Variants in PTPRG observed in about 807,000 individuals in gnomAD.
PTPRG encodes the protein protein tyrosine phosphatase receptor type G.
Under a neutral mutation model 165.3 loss-of-function variants are expected in PTPRG, and 102 were observed. The ratio of observed to expected loss-of-function variants is 0.62; its 90% CI spans 0.53 to 0.73. The LOEUF is 0.73. Ranked by LOEUF, PTPRG falls within the 30% of genes least tolerant of loss-of-function variation. The probability of loss-of-function intolerance (pLI) is 0.00; values close to 1 mark genes in which losing one functional copy is unlikely to be tolerated. For missense variants in PTPRG, 1,866 were observed against 1,861.4 expected, an observed-to-expected ratio of 1.00 and a Z score of -0.05; for synonymous variants, 675 against 669.5, an observed-to-expected ratio of 1.01 and a Z score of -0.13.
At chr3:62,100,340 A>C (rs1702246802) in intron 5 of PTPRG, among the ~76,000 whole-genome samples, 1 of 152,130 alleles carries the variant, frequency 6.6e-6, no homozygotes, top group Non-Finnish European at 1.5e-5. Context: ...TTAAACAGAA[A>C]ACCGACACTT....
At position 62,091,556 on chromosome 3, in the gene PTPRG, G is replaced by A. The variant is rs570133583; in HGVS notation, c.615+13298G>A. On this transcript the variant is annotated intron_variant, in intron 5 of 29. Transcript: ENST00000474889. ...ATTTTCCCCTGGACCCCAAGGAACT[G>A]CTTAATTCCTAGTAGTGAGTTCCTC... Among the ~76,000 whole-genome samples the A allele has an allele frequency of 1.5e-3, 221 of 152,250 alleles. 1 individual carries two copies. The highest frequency in any genetic ancestry group is 2.3e-3 in the Non-Finnish European group (157 of 68,020).
intron 1 of PTPRG, among the ~76,000 whole-genome samples, chr3:61,627,955 C>A (rs757534628): frequency 6.6e-6 from 1 of 152,268 alleles, no homozygotes; most frequent in African/African-American, 2.4e-5. Flanking sequence ...TCAAACATTC[C>A]TGAGTGAAGA....
chr3:61,987,585 T>A (rs2107689459), intron 2 of PTPRG, among the ~76,000 whole-genome samples: 1 of 152,308 alleles, frequency 6.6e-6, no homozygotes, highest in Non-Finnish European at 1.5e-5. Flanking sequence ...TTTTCTCTGT[T>A]GAGTGTAATT....
At chr3:61,736,871 C>T (rs912550239) in intron 1 of PTPRG, among the ~76,000 whole-genome samples, 5 of 152,198 alleles carry the variant, frequency 3.3e-5, no homozygotes, top group African/African-American at 4.8e-5. Flanking sequence ...TGTAATTATA[C>T]TAAAAACCAT....
chr3:61,678,322 T>G (rs935642869), intron 1 of PTPRG, among the ~76,000 whole-genome samples: 1 of 152,162 alleles, frequency 6.6e-6, no homozygotes, highest in Admixed American at 6.5e-5. Flanking sequence ...GCGATAGATA[T>G]TCATGTGTTG....
In PTPRG at chr3:62,132,541, C is replaced by T. The variant is rs1703554842; in HGVS notation, c.616-61C>T. On this transcript the variant is annotated intron_variant, in intron 5 of 29. Transcript: ENST00000474889. ...TCCCCCTTCTCTTTAGAAGATTAAA[C>T]TGAGACTGTTGTGCCTGATGCCAGA... 28 of 1,328,798 alleles carry T rather than the reference C, an allele frequency of 2.1e-5. No individual in the cohort carries two copies. In the South Asian group the frequency reaches 3.3e-4, roughly 16 times the overall value. The allele number at this position is 1,328,798 out of a possible 1,614,324, so 82.3% of individuals were successfully genotyped here. A position where few individuals can be genotyped will look rare whatever the true frequency, so the allele number is the denominator to read the frequency against.
At chr3:61,791,617 A>G (rs1371374340) in intron 2 of PTPRG, among the ~76,000 whole-genome samples, 2 of 152,158 alleles carry the variant, frequency 1.3e-5, no homozygotes, top group Admixed American at 1.3e-4. Context: ...CCTCCTGAGT[A>G]GCTGGAATTA....
intron 2 of PTPRG, among the ~76,000 whole-genome samples, chr3:61,942,758 A>G (rs1225235197): frequency 6.6e-6 from 1 of 152,236 alleles, no homozygotes; most frequent in Non-Finnish European, 1.5e-5. Context: ...TTTGCCCCAA[A>G]TCTCAAAAGT....
chr3:62,282,772 C>G lies in PTPRG; in HGVS notation c.3958C>G (p.Pro1320Ala). The stretch of plus-strand genomic sequence containing the variant: ...TCGGCACTTTCAGTGTCCCAAATGG[C>G]CTAACCCAGATGCCCCCATAAGTAG... ...EVRHFQCPKW[P>A]NPDAPISSTF... Residue 1320 changes from proline to alanine, a missense_variant, in exon 28 of 30, where the codon CCT (proline) becomes GCT (alanine). By Grantham distance (27) the Pro-to-Ala change is conservative (BLOSUM62 -1). Transcript: ENST00000474889. The G allele has an allele frequency of 6.2e-7, 1 of 1,612,712 alleles. No individual in the cohort carries two copies. Among genetic ancestry groups the G allele is most frequent in the South Asian group, 1.1e-5 (1 of 90,876 alleles).
intron 2 of PTPRG, among the ~76,000 whole-genome samples, chr3:61,813,680 G>T (rs1051188970): frequency 6.6e-6 from 1 of 150,618 alleles, no homozygotes; most frequent in Admixed American, 6.6e-5. Context: ...ATAACTTATT[G>T]AATGTATACT....
chr3:61,697,318 T>C (rs1030951021), intron 1 of PTPRG, among the ~76,000 whole-genome samples: 10 of 152,094 alleles, frequency 6.6e-5, no homozygotes, highest in African/African-American at 1.9e-4. Flanking sequence ...TTAAAGAAAA[T>C]TGGAAGGGCT....
intron 4 of PTPRG, among the ~76,000 whole-genome samples, chr3:62,006,762 T>TAGAGGCC (rs1363181158): frequency 3.9e-5 from 6 of 152,136 alleles, no homozygotes; most frequent in Non-Finnish European, 8.8e-5. Flanking sequence ...AGTGTTATGG[T>TAGAGGCC]ATTACTTTCT....
intron 1 of PTPRG, among the ~76,000 whole-genome samples, chr3:61,576,918 G>A (rs1453832748): frequency 1.2e-4 from 18 of 152,128 alleles, no homozygotes; most frequent in Admixed American, 1.0e-3. Context: ...AAAGCCCAGG[G>A]GTTTTGCATC....
intron 4 of PTPRG, among the ~76,000 whole-genome samples, chr3:62,061,585 C>A (rs1329217554): frequency 6.6e-6 from 1 of 151,730 alleles, no homozygotes. Flanking sequence ...TGCTAACTAG[C>A]AGCATCCAAA....
intron 5 of PTPRG, among the ~76,000 whole-genome samples, chr3:62,115,477 C>T (rs9869850): frequency 0.019 from 2,925 of 152,116 alleles, 74 homozygotes; most frequent in African/African-American, 0.067. Context: ...GAGGAAAGAC[C>T]GTGAAACTCA....
chr3:62,175,413 T>G (rs1705381449), intron 8 of PTPRG, among the ~76,000 whole-genome samples: 1 of 152,116 alleles, frequency 6.6e-6, no homozygotes, highest in South Asian at 2.1e-4. Context: ...CCCAGGAGTT[T>G]GAGGCCATCC....
rs1446896052 is a variant in PTPRG at position 62,282,613 on chromosome 3, A to G, written c.3913-114A>G. 5.7e-6 allele frequency: 6 copies of G among 1,053,250 alleles called. No homozygotes were observed. The East Asian group carries it at 1.1e-4, about 20-fold the overall frequency. 65.2% of individuals were successfully genotyped at this position (1,053,250 alleles called of 1,614,324 possible). A position where few individuals can be genotyped will look rare whatever the true frequency, so the allele number is the denominator to read the frequency against. Reference sequence around the variant, plus strand: ...TTCCAGCTGTGGTTTGGTTAACACAACATTGTTGAGAGTTACCTATAACAC... The same window carrying G: ...TTCCAGCTGTGGTTTGGTTAACACAGCATTGTTGAGAGTTACCTATAACAC... On this transcript the variant is annotated intron_variant, in intron 27 of 29. Transcript: ENST00000474889.
rs192715887 is a variant in PTPRG at position 62,131,843 on chromosome 3, C to T, written c.616-759C>T. 3.2e-3 allele frequency among the ~76,000 whole-genome samples: 491 copies of T among 152,270 alleles called. 3 individuals carry two copies. The highest frequency in any genetic ancestry group is 3.5e-3 in the South Asian group (17 of 4,826). On this transcript the variant is annotated intron_variant, in intron 5 of 29. Transcript: ENST00000474889. ...GGATTATTTTGAAACAAATTCAAGA[C>T]GTCATTTCATGTCATTTGTAAATAT...
chr3:61,873,669 T>G (rs1575741803), intron 2 of PTPRG, among the ~76,000 whole-genome samples: 1 of 152,144 alleles, frequency 6.6e-6, no homozygotes, highest in Non-Finnish European at 1.5e-5. Context: ...ATTGGGTAAC[T>G]GGGGGGAGGG....
Sources: allele counts gnomAD v4.1 joint callset (sites outside exome capture counted in the v4.1 genomes callset), GRCh38; gene constraint gnomAD v4.1.1; transcripts MANE v1.5; gene names NCBI Gene and HGNC (gene_info 2026-07-23, HGNC 2026-07-21).